Variants in BTBD9 observed in about 807,000 individuals in gnomAD.
The protein encoded by BTBD9 is BTB/POZ domain-containing protein 9.
A neutral mutation model predicts 64.3 loss-of-function variants in BTBD9; 49 were observed. The observed-to-expected ratio is 0.76, with a 90% CI of 0.61 to 0.97. The LOEUF is 0.97. BTBD9 is among the 50% of genes least tolerant of loss of function. The pLI is 0.00. For synonymous variants in BTBD9, 260 were observed against 274.7 expected, an observed-to-expected ratio of 0.95 and a Z score of 0.53; for missense variants, 598 against 762.1, an observed-to-expected ratio of 0.78 and a Z score of 2.53.
intron 6 of BTBD9, among the ~76,000 whole-genome samples, chr6:38,419,731 G>C (rs528089917): frequency 2.0e-5 from 3 of 152,096 alleles, no homozygotes; most frequent in Admixed American, 2.0e-4. Context: ...TTAGCCGGTT[G>C]TGGCAGTGCA....
At chr6:38,223,811 C>A (rs1382362848) in intron 9 of BTBD9, among the ~76,000 whole-genome samples, 1 of 151,440 alleles carries the variant, frequency 6.6e-6, no homozygotes. Flanking sequence ...TATATCCAGC[C>A]TTAACATCTT....
intron 6 of BTBD9, among the ~76,000 whole-genome samples, chr6:38,532,325 T>A (rs1040770106): frequency 1.3e-5 from 2 of 152,134 alleles, no homozygotes; most frequent in Admixed American, 6.5e-5. Flanking sequence ...TGGGCTAAAG[T>A]TCTCTGGGAT....
chr6:38,181,032 C>T (rs1761532688), intron 10 of BTBD9, among the ~76,000 whole-genome samples: 1 of 152,216 alleles, frequency 6.6e-6, no homozygotes, highest in South Asian at 2.1e-4. Context: ...AATGTGCTAG[C>T]CCCTTCTTGG....
At chr6:38,464,532 G>C (rs1228290866) in intron 6 of BTBD9, among the ~76,000 whole-genome samples, 2 of 151,750 alleles carry the variant, frequency 1.3e-5, no homozygotes, top group African/African-American at 2.4e-5. Flanking sequence ...GTCTCACTCT[G>C]TTGCCCAGGC....
intron 6 of BTBD9, among the ~76,000 whole-genome samples, chr6:38,437,919 A>G (rs1768812343): frequency 6.6e-6 from 1 of 152,116 alleles, no homozygotes. Context: ...CTATGTTGAA[A>G]GGTGACATGT....
At position 38,208,291 on chromosome 6, in the gene BTBD9, T is replaced by C. The variant is rs560568396; in HGVS notation, c.1563-15694A>G. Among the ~76,000 whole-genome samples, 12 of 152,296 alleles carry C rather than the reference T, an allele frequency of 7.9e-5. No homozygotes were observed. In the South Asian group the frequency reaches 2.5e-3, roughly 32 times the overall value. ...CCTGAAGATCCCTCTGACAGTTCTT[T>C]ATGAGTGAGCCTCTTGAGCTGACCC... On this transcript the variant is annotated intron_variant, in intron 9 of 10. Transcript: ENST00000481247.
At chr6:38,338,478 G>A (rs1432155720) in intron 7 of BTBD9, among the ~76,000 whole-genome samples, 4 of 152,104 alleles carry the variant, frequency 2.6e-5, no homozygotes, top group Admixed American at 1.3e-4. Context: ...ATCCATGCTG[G>A]TAAGACACAA....
intron 6 of BTBD9, among the ~76,000 whole-genome samples, chr6:38,544,345 T>C (rs1272942006): frequency 6.6e-6 from 1 of 152,072 alleles, no homozygotes; most frequent in Non-Finnish European, 1.5e-5. Context: ...CAACTATATA[T>C]TATAAGCTGA....
intron 6 of BTBD9, among the ~76,000 whole-genome samples, chr6:38,558,691 T>C (rs898975736): frequency 6.6e-6 from 1 of 152,214 alleles, no homozygotes. Context: ...TCACATTTAT[T>C]GATGTGCGTA....
At chr6:38,584,666 T>C (rs1349441288) in intron 4 of BTBD9, among the ~76,000 whole-genome samples, 1 of 152,202 alleles carries the variant, frequency 6.6e-6, no homozygotes, top group Non-Finnish European at 1.5e-5. Flanking sequence ...CAAAGCAATC[T>C]ACTTACCCAA....
intron 6 of BTBD9, among the ~76,000 whole-genome samples, chr6:38,471,755 T>C (rs1255310745): frequency 6.6e-6 from 1 of 152,108 alleles, no homozygotes; most frequent in African/African-American, 2.4e-5. Context: ...CCCTGAATCG[T>C]CTCCTCCAGC....
rs772342089 is a variant in BTBD9, at chr6:38,174,977, T to C, written c.*8A>G. 2 of 1,613,648 alleles carry C rather than the reference T, an allele frequency of 1.2e-6. No individual in the cohort carries two copies. Among genetic ancestry groups the C allele is most frequent in the Non-Finnish European group, 1.7e-6 (2 of 1,180,032 alleles). ...GCCCACCAAGTCACACCAGGCCCGC[T>C]GCCTCCTTTATTGGTGCTGCCGGTT... On this transcript the variant is annotated 3_prime_UTR_variant, in exon 11 of 11. Transcript: ENST00000481247.
intron 9 of BTBD9, among the ~76,000 whole-genome samples, chr6:38,215,560 G>C (rs1234418888): frequency 6.6e-6 from 1 of 152,220 alleles, no homozygotes; most frequent in Non-Finnish European, 1.5e-5. Flanking sequence ...TTGTCAAATA[G>C]AGCTGTTGGT....
At chr6:38,325,782 C>T (rs1763403719) in intron 7 of BTBD9, among the ~76,000 whole-genome samples, 1 of 152,170 alleles carries the variant, frequency 6.6e-6, no homozygotes, top group Admixed American at 6.5e-5. Context: ...GAAAGATTGT[C>T]TTATTTATTA....
intron 6 of BTBD9, among the ~76,000 whole-genome samples, chr6:38,426,446 G>A (rs1768153043): frequency 6.6e-6 from 1 of 151,874 alleles, no homozygotes; most frequent in Non-Finnish European, 1.5e-5. Context: ...TTTTCACTCT[G>A]TTTCACTCTA....
At chr6:38,383,803 T>C (rs1429809550) in intron 6 of BTBD9, among the ~76,000 whole-genome samples, 1 of 152,192 alleles carries the variant, frequency 6.6e-6, no homozygotes, top group Non-Finnish European at 1.5e-5. Context: ...TTGCTATAGA[T>C]TGAATGTTTG....
At chr6:38,464,746 T>G (rs1582472610) in intron 6 of BTBD9, among the ~76,000 whole-genome samples, 1 of 152,308 alleles carries the variant, frequency 6.6e-6, no homozygotes, top group Admixed American at 6.5e-5. Context: ...TCTGCCTGCC[T>G]CAGTCTCCCA....
intron 9 of BTBD9, among the ~76,000 whole-genome samples, chr6:38,215,747 G>A (rs1286726518): frequency 6.6e-6 from 1 of 152,198 alleles, no homozygotes; most frequent in African/African-American, 2.4e-5. Context: ...GGAGGGGTGT[G>A]GGGCAGGAGA....
intron 6 of BTBD9, among the ~76,000 whole-genome samples, chr6:38,543,134 T>G (rs889757487): frequency 6.6e-6 from 1 of 152,190 alleles, no homozygotes; most frequent in African/African-American, 2.4e-5. Context: ...GTTACCAATC[T>G]ACAAAGGCTC....
Sources: allele counts gnomAD v4.1 joint callset (sites outside exome capture counted in the v4.1 genomes callset), GRCh38; gene constraint gnomAD v4.1.1; transcripts MANE v1.5; gene names NCBI Gene and HGNC (gene_info 2026-07-23, HGNC 2026-07-21).